Variants in CSMD1 observed in about 807,000 individuals in gnomAD.
The protein encoded by CSMD1 is CUB and Sushi multiple domains 1.
A neutral mutation model predicts 417.5 loss-of-function variants in CSMD1; 213 were observed. That is an observed-to-expected ratio of 0.51 (90% CI 0.46 to 0.57). The LOEUF (loss-of-function observed/expected upper bound fraction) is 0.57. Ranked by LOEUF, CSMD1 falls within the 20% of genes least tolerant of loss-of-function variation. The pLI, the probability that CSMD1 is intolerant of heterozygous loss-of-function variation, is 0.00. For missense variants in CSMD1, 6,923 were observed against 4,529.7 expected (o/e 1.53, Z -15.17); for synonymous variants, 2,862 against 1,736.8 (o/e 1.65, Z -16.11).
At chr8:4,576,828 C>T (rs1799160148) in intron 2 of CSMD1, among the ~76,000 whole-genome samples, 1 of 150,224 alleles carries the variant, frequency 6.7e-6, no homozygotes, top group Non-Finnish European at 1.5e-5. Context: ...TTAAAACAAA[C>T]TATTTTAATT....
At chr8:3,969,844 A>G (rs577923015) in intron 5 of CSMD1, among the ~76,000 whole-genome samples, 4 of 152,338 alleles carry the variant, frequency 2.6e-5, no homozygotes, top group African/African-American at 7.2e-5. Context: ...GTATCCATCT[A>G]TAAGTGCATT....
intron 1 of CSMD1, among the ~76,000 whole-genome samples, chr8:4,652,704 CA>C (rs1389761778): frequency 6.6e-6 from 1 of 152,074 alleles, no homozygotes; most frequent in Admixed American, 6.6e-5. Flanking sequence ...AGGGCAATCC[CA>C]AGCGCAGTGA....
intron 5 of CSMD1, among the ~76,000 whole-genome samples, chr8:3,850,473 T>A (rs979587141): frequency 1.3e-5 from 2 of 152,160 alleles, no homozygotes; most frequent in Admixed American, 6.5e-5. Context: ...GGCAGGCAGA[T>A]AACTTGAGGT....
At chr8:3,055,801 C>T (rs1812175933) in intron 49 of CSMD1, among the ~76,000 whole-genome samples, 3 of 152,150 alleles carry the variant, frequency 2.0e-5, no homozygotes, top group Admixed American at 2.0e-4. Context: ...GAGCACAGGC[C>T]TCAAACTCAG....
chr8:4,243,676 T>C (rs570132269), intron 3 of CSMD1, among the ~76,000 whole-genome samples: 8 of 152,176 alleles, frequency 5.3e-5, no homozygotes, highest in Non-Finnish European at 1.2e-4. Flanking sequence ...TGCAACTTAA[T>C]TTTTGATTAA....
At chr8:4,925,215 G>GTTTTTTTTTTTTTTTTTTTTTTTTTTTTT in intron 1 of CSMD1, among the ~76,000 whole-genome samples, 1 of 72,734 alleles carries the variant, frequency 1.4e-5, no homozygotes, top group Non-Finnish European at 2.3e-5. Context: ...CAGTTTTATG[G>GTTTTTTTTTTTTTTTTTTTTTTTTTTTTT]TTTTTTTTTT....
rs112697819 is a variant in CSMD1, at chr8:4,165,432, T to A, written c.416-133333A>T. On this transcript the variant is annotated intron_variant, in intron 3 of 69. Coordinates refer to ENST00000635120, the MANE Select transcript of CSMD1 (RefSeq NM_033225.6). ...AAGCATCATGTTTTGTTTGAGGTGG[T>A]GTCATGCTATGTCGCCCAGGCTGAG... 6.4e-3 allele frequency among the ~76,000 whole-genome samples: 977 copies of A among 152,310 alleles called. 10 individuals carry two copies. The highest frequency in any genetic ancestry group is 0.023 in the African/African-American group (944 of 41,554).
intron 41 of CSMD1, among the ~76,000 whole-genome samples, chr8:3,141,953 A>G (rs564612289): frequency 0.013 from 1,943 of 152,020 alleles, 17 homozygotes; most frequent in South Asian, 0.028. Flanking sequence ...GCCCGCCACT[A>G]TGCCCAGCTA....
At chr8:3,996,626 T>G (rs987410645) in intron 5 of CSMD1, among the ~76,000 whole-genome samples, 6 of 152,148 alleles carry the variant, frequency 3.9e-5, no homozygotes, top group African/African-American at 1.4e-4. Context: ...TCCTGAGTGT[T>G]TAAAGTTAAA....
intron 33 of CSMD1, among the ~76,000 whole-genome samples, chr8:3,192,941 A>C (rs1278977036): frequency 6.6e-6 from 1 of 152,182 alleles, no homozygotes; most frequent in Non-Finnish European, 1.5e-5. Context: ...CATGAAGAAA[A>C]AAAAAAAGAT....
At chr8:3,368,038 A>C (rs1458379131) in intron 19 of CSMD1, among the ~76,000 whole-genome samples, 1 of 152,204 alleles carries the variant, frequency 6.6e-6, no homozygotes, top group East Asian at 1.9e-4. Context: ...TAGTAACCGG[A>C]ACTACAAAGG....
At chr8:3,518,492 C>A (rs1797373391) in intron 10 of CSMD1, among the ~76,000 whole-genome samples, 1 of 152,102 alleles carries the variant, frequency 6.6e-6, no homozygotes, top group African/African-American at 2.4e-5. Flanking sequence ...CATTGGTAGA[C>A]TCAACAAAGA....
chr8:4,300,538 TTTA>T (rs907294260), intron 3 of CSMD1, among the ~76,000 whole-genome samples: 11 of 152,084 alleles, frequency 7.2e-5, no homozygotes, highest in African/African-American at 1.2e-4. Flanking sequence ...TTTTTTACAT[TTTA>T]TTATTATTAT....
chr8:4,746,049 A>G lies in CSMD1; in HGVS notation c.86-108491T>C, dbSNP rs143380037. Among the ~76,000 whole-genome samples, 1,039 of 152,342 alleles carry G rather than the reference A, an allele frequency of 6.8e-3. 10 individuals carry two copies. The highest frequency in any genetic ancestry group is 0.02 in the Middle Eastern group (6 of 294). On this transcript the variant is annotated intron_variant, in intron 1 of 69. Coordinates refer to ENST00000635120, the MANE Select transcript of CSMD1 (RefSeq NM_033225.6). ...AATATTATGAAATTGAGTTTTTATT[A>G]AGATAATTTTTGTTACTGTCAGCCC...
intron 1 of CSMD1, among the ~76,000 whole-genome samples, chr8:4,906,681 C>T (rs773127772): frequency 5.9e-5 from 9 of 151,996 alleles, no homozygotes; most frequent in Non-Finnish European, 5.9e-5. Context: ...CTCAGTCTCC[C>T]GAGTAGCTGG....
chr8:4,719,490 C>A (rs7003441), intron 1 of CSMD1, among the ~76,000 whole-genome samples: 3 of 151,202 alleles, frequency 2.0e-5, no homozygotes, highest in Non-Finnish European at 4.4e-5. Flanking sequence ...TTTCTTCAAG[C>A]GCATTGTAAG....
intron 41 of CSMD1, among the ~76,000 whole-genome samples, chr8:3,133,071 C>A (rs1042272421): frequency 3.9e-5 from 6 of 152,188 alleles, no homozygotes; most frequent in African/African-American, 1.4e-4. Context: ...GCGTATTAGC[C>A]CAGCTCTGCG....
At chr8:4,296,504 G>T (rs1474674347) in intron 3 of CSMD1, among the ~76,000 whole-genome samples, 2 of 151,996 alleles carry the variant, frequency 1.3e-5, no homozygotes, top group South Asian at 4.2e-4. Context: ...TTTTCCCAAA[G>T]AGAGGGTTTA....
chr8:4,027,865 T>C (rs551867893), intron 4 of CSMD1, among the ~76,000 whole-genome samples: 1 of 152,012 alleles, frequency 6.6e-6, no homozygotes, highest in Non-Finnish European at 1.5e-5. Context: ...ATTAAATAAA[T>C]AAAGAGAACA....
Sources: gnomAD v4.1 joint callset for allele counts (sites outside exome capture counted in the v4.1 genomes callset) on GRCh38, gnomAD v4.1.1 for gene constraint, MANE v1.5 for transcripts, NCBI Gene and HGNC (gene_info 2026-07-23, HGNC 2026-07-21) for gene names.